Variants in DLG2 observed in about 807,000 individuals in gnomAD.
DLG2 encodes discs large MAGUK scaffold protein 2, also known as disks large homolog 2.
In DLG2, 45 loss-of-function variants were observed where a neutral mutation model predicts 132.5. That is an observed-to-expected ratio of 0.34 (90% CI 0.27 to 0.44). The LOEUF is 0.44. Among genes scored for constraint, DLG2 ranks in the 20% least tolerant of loss-of-function variants. The pLI is 1.00. For missense variants in DLG2, 1,045 were observed against 1,196.9 expected, an observed-to-expected ratio of 0.87 and a Z score of 1.87; for synonymous variants, 424 against 419.6, an observed-to-expected ratio of 1.01 and a Z score of -0.13.
At chr11:83,773,533 C>G (rs1395221775) in intron 18 of DLG2, among the ~76,000 whole-genome samples, 1 of 152,124 alleles carries the variant, frequency 6.6e-6, no homozygotes, top group Non-Finnish European at 1.5e-5. Context: ...GTGTGTTTGT[C>G]TTTAGTTAAC....
chr11:85,388,271 C>A (rs911792548), intron 3 of DLG2, among the ~76,000 whole-genome samples: 1 of 152,082 alleles, frequency 6.6e-6, no homozygotes, highest in Non-Finnish European at 1.5e-5. Context: ...CTGGGAACCA[C>A]ACCCCCAGCC....
chr11:85,534,675 T>C (rs1045731222), intron 3 of DLG2, among the ~76,000 whole-genome samples: 1 of 152,246 alleles, frequency 6.6e-6, no homozygotes, highest in Non-Finnish European at 1.5e-5. Flanking sequence ...AAGAACATGA[T>C]TATAGCTGAA....
intron 6 of DLG2, among the ~76,000 whole-genome samples, chr11:85,034,777 G>A (rs1427488707): frequency 6.6e-6 from 1 of 152,058 alleles, no homozygotes; most frequent in Non-Finnish European, 1.5e-5. Flanking sequence ...ACAGTGCATG[G>A]AGGAGTAATG....
chr11:84,810,282 G>T (rs142131759), intron 6 of DLG2, among the ~76,000 whole-genome samples: 1 of 151,944 alleles, frequency 6.6e-6, no homozygotes, highest in Non-Finnish European at 1.5e-5. Flanking sequence ...TAATCCAATT[G>T]GAAATTAGGT....
chr11:85,607,035 C>T (rs754202982), intron 2 of DLG2, among the ~76,000 whole-genome samples: 13 of 152,164 alleles, frequency 8.5e-5, no homozygotes, highest in Admixed American at 2.6e-4. Context: ...CACATTTTGG[C>T]GACCATGAAG....
At chr11:85,528,052 T>C (rs1013316358) in intron 3 of DLG2, among the ~76,000 whole-genome samples, 25 of 152,256 alleles carry the variant, frequency 1.6e-4, no homozygotes, top group African/African-American at 5.8e-4. Flanking sequence ...TCTTGTAGAT[T>C]TATTTAAGTT....
chr11:84,503,269 T>C (rs1193544137), intron 7 of DLG2, among the ~76,000 whole-genome samples: 1 of 152,188 alleles, frequency 6.6e-6, no homozygotes, highest in Non-Finnish European at 1.5e-5. Context: ...TACTATTTCA[T>C]AGGGTTGTCT....
intron 18 of DLG2, among the ~76,000 whole-genome samples, chr11:83,650,457 T>C (rs1431298606): frequency 6.6e-6 from 1 of 151,854 alleles, no homozygotes; most frequent in Non-Finnish European, 1.5e-5. Context: ...TCTTATAGAG[T>C]CTTCACGGGG....
intron 3 of DLG2, among the ~76,000 whole-genome samples, chr11:85,482,059 A>C (rs1454266901): frequency 1.3e-5 from 2 of 151,796 alleles, no homozygotes; most frequent in Non-Finnish European, 2.9e-5. Context: ...CTGCAGAATC[A>C]GGCTCCAGAC....
chr11:85,318,464 G>A (rs750843757), intron 3 of DLG2, among the ~76,000 whole-genome samples: 3 of 151,770 alleles, frequency 2.0e-5, no homozygotes, highest in Non-Finnish European at 4.4e-5. Context: ...TACACTCTAC[G>A]TTTTGAGGAA....
chr11:85,045,241 A>G (rs866145010), intron 6 of DLG2, among the ~76,000 whole-genome samples: 1 of 152,140 alleles, frequency 6.6e-6, no homozygotes, highest in African/African-American at 2.4e-5. Flanking sequence ...GCCTATGTCC[A>G]AGGTTTAGTT....
At chr11:84,000,377 T>C (rs2154041668) in intron 11 of DLG2, among the ~76,000 whole-genome samples, 1 of 152,062 alleles carries the variant, frequency 6.6e-6, no homozygotes, top group East Asian at 1.9e-4. Context: ...TGGGACACCA[T>C]AAAGGGACCA....
chr11:83,849,354 T>C (rs2059241490), intron 16 of DLG2, among the ~76,000 whole-genome samples: 1 of 144,756 alleles, frequency 6.9e-6, no homozygotes, highest in Non-Finnish European at 1.5e-5. Context: ...AAATAAAAAA[T>C]TGCAAGCTCT....
chr11:84,754,289 A>G (rs1475136730), intron 6 of DLG2, among the ~76,000 whole-genome samples: 2 of 152,204 alleles, frequency 1.3e-5, no homozygotes, highest in African/African-American at 4.8e-5. Context: ...AAGGATCGGT[A>G]GAGATAGGAA....
At chr11:83,678,748 T>C (rs1030501379) in intron 18 of DLG2, among the ~76,000 whole-genome samples, 2 of 152,262 alleles carry the variant, frequency 1.3e-5, no homozygotes, top group South Asian at 2.1e-4. Context: ...GCCACAGATA[T>C]GGGGAAATTT....
At chr11:85,121,238 A>G (rs1470178273) in intron 5 of DLG2, among the ~76,000 whole-genome samples, 2 of 151,978 alleles carry the variant, frequency 1.3e-5, no homozygotes, top group Non-Finnish European at 2.9e-5. Flanking sequence ...AAAAAATTAT[A>G]TTATTTCTCC....
At position 85,375,525 on chromosome 11, in the gene DLG2, C is replaced by A. The variant is rs558577275; in HGVS notation, c.41-90160G>T. 3.8e-3 allele frequency among the ~76,000 whole-genome samples: 585 copies of A among 152,218 alleles called. 3 individuals are homozygous for A. Among genetic ancestry groups the A allele is most frequent in the Non-Finnish European group, 5.9e-3 (400 of 67,968 alleles). Reference sequence around the variant, plus strand: ...CAGACCTGTTTCTATGGGAAAAAAACCAAAAACAACAACAAAAAAACTGTC... The same window carrying A: ...CAGACCTGTTTCTATGGGAAAAAAAACAAAAACAACAACAAAAAAACTGTC... On this transcript the variant is annotated intron_variant, in intron 3 of 27. Transcript: ENST00000376104.
intron 6 of DLG2, among the ~76,000 whole-genome samples, chr11:85,073,803 A>G (rs1176079015): frequency 6.6e-6 from 1 of 151,902 alleles, no homozygotes; most frequent in Non-Finnish European, 1.5e-5. Flanking sequence ...ATGCATGAAT[A>G]TGTTTACTGC....
chr11:85,184,216 C>T (rs1394960004), intron 4 of DLG2, among the ~76,000 whole-genome samples: 1 of 151,744 alleles, frequency 6.6e-6, no homozygotes, highest in Non-Finnish European at 1.5e-5. Flanking sequence ...TATGAAAGTA[C>T]TATTAAAAGT....
Sources: allele counts gnomAD v4.1 joint callset (sites outside exome capture counted in the v4.1 genomes callset), GRCh38; gene constraint gnomAD v4.1.1; transcripts MANE v1.5; gene names NCBI Gene and HGNC (gene_info 2026-07-23, HGNC 2026-07-21).